NLGN1: variants seen among roughly 807,000 people sequenced by gnomAD.
NLGN1 encodes neuroligin 1.
A neutral mutation model predicts 65.5 loss-of-function variants in NLGN1; 12 were observed. That is an observed-to-expected ratio of 0.18 (90% CI 0.12 to 0.30). The LOEUF (loss-of-function observed/expected upper bound fraction) is 0.30, where lower values mean the gene tolerates loss of function less well. Among genes scored for constraint, NLGN1 ranks in the 10% least tolerant of loss-of-function variants. The pLI, the probability that NLGN1 is intolerant of heterozygous loss-of-function variation, is 1.00. For missense variants in NLGN1, 750 were observed against 1,007.1 expected (o/e 0.74, Z 3.46); for synonymous variants, 350 against 359.5 (o/e 0.97, Z 0.30).
chr3:174,000,798 T>G (rs1723134130), intron 4 of NLGN1, among the ~76,000 whole-genome samples: 1 of 152,114 alleles, frequency 6.6e-6, no homozygotes, highest in South Asian at 2.1e-4. Flanking sequence ...AGAGAAAAGG[T>G]AAGACTTGAC....
chr3:174,171,274 G>A (rs1438927085), intron 4 of NLGN1, among the ~76,000 whole-genome samples: 4 of 152,006 alleles, frequency 2.6e-5, no homozygotes, highest in Admixed American at 1.3e-4. Flanking sequence ...GGAAAACATA[G>A]ATTTGAAAGA....
intron 4 of NLGN1, among the ~76,000 whole-genome samples, chr3:173,977,615 C>G (rs1717799614): frequency 6.6e-6 from 1 of 151,696 alleles, no homozygotes; most frequent in Admixed American, 6.6e-5. Context: ...GGCTTGTGAT[C>G]CTGGAAGTCT....
chr3:173,763,649 A>G (rs75232894), intron 3 of NLGN1, among the ~76,000 whole-genome samples: 4,184 of 152,236 alleles, frequency 0.027, 76 homozygotes, highest in Non-Finnish European at 0.042. Context: ...AGCTGAATCT[A>G]GAACTGTCCT....
chr3:173,414,677 G>C (rs1304186640), intron 1 of NLGN1, among the ~76,000 whole-genome samples: 2 of 151,970 alleles, frequency 1.3e-5, no homozygotes, highest in Non-Finnish European at 2.9e-5. Flanking sequence ...GTGTTTAATA[G>C]TAAAACCCTT....
At chr3:173,969,721 A>T (rs1715753854) in intron 4 of NLGN1, among the ~76,000 whole-genome samples, 1 of 152,106 alleles carries the variant, frequency 6.6e-6, no homozygotes, top group Non-Finnish European at 1.5e-5. Context: ...AATCTAATAT[A>T]AGTCTATGGC....
intron 3 of NLGN1, among the ~76,000 whole-genome samples, chr3:173,795,146 TA>T: frequency 6.6e-6 from 1 of 152,246 alleles, no homozygotes; most frequent in East Asian, 1.9e-4. Flanking sequence ...GCCATTAGCC[TA>T]AACAGGCAGC....
chr3:173,788,233 A>G (rs1306024584), intron 3 of NLGN1, among the ~76,000 whole-genome samples: 2 of 150,564 alleles, frequency 1.3e-5, no homozygotes, highest in South Asian at 2.1e-4. Flanking sequence ...AAAAAGAAAA[A>G]GTTTATTTTT....
At chr3:173,863,194 C>CT (rs1303353276) in intron 4 of NLGN1, among the ~76,000 whole-genome samples, 1 of 150,550 alleles carries the variant, frequency 6.6e-6, no homozygotes, top group Non-Finnish European at 1.5e-5. Context: ...ATATATGTTC[C>CT]TTTTTTAAGT....
chr3:173,715,124 T>C (rs1022279873), intron 3 of NLGN1, among the ~76,000 whole-genome samples: 2 of 152,144 alleles, frequency 1.3e-5, no homozygotes, highest in Non-Finnish European at 1.5e-5. Context: ...GACTCTATTG[T>C]ATTTTGGTGG....
chr3:173,957,883 G>T (rs554081465), intron 4 of NLGN1, among the ~76,000 whole-genome samples: 3 of 152,180 alleles, frequency 2.0e-5, no homozygotes, highest in Admixed American at 2.0e-4. Context: ...TACTGGCCTG[G>T]ATCCCACACC....
intron 4 of NLGN1, among the ~76,000 whole-genome samples, chr3:174,131,011 C>A: frequency 6.6e-6 from 1 of 152,226 alleles, no homozygotes; most frequent in South Asian, 2.1e-4. Flanking sequence ...ACTCATCATA[C>A]CCCTTTCCTG....
rs991705072 is a variant in NLGN1, at chr3:174,090,040, T to A, written c.647-185275T>A. 1.6e-4 allele frequency among the ~76,000 whole-genome samples: 24 copies of A among 152,204 alleles called. No individual in the cohort carries two copies. The East Asian group carries it at 1.7e-3, about 11-fold the overall frequency. The stretch of plus-strand genomic sequence containing the variant: ...AGTTCTATAATGAAATTTATCTTAA[T>A]GAAAAGCAAGCCTTTATTTATTGAA... On this transcript the variant is annotated intron_variant, in intron 4 of 6. Coordinates refer to ENST00000457714, the Ensembl canonical transcript of NLGN1.
intron 3 of NLGN1, among the ~76,000 whole-genome samples, chr3:173,744,583 G>A (rs567503159): frequency 2.0e-5 from 3 of 152,222 alleles, no homozygotes; most frequent in Non-Finnish European, 4.4e-5. Context: ...GCTGAGATCC[G>A]AGAGATAAGT....
chr3:173,603,175 A>G (rs930843427), intron 2 of NLGN1, among the ~76,000 whole-genome samples: 3 of 152,146 alleles, frequency 2.0e-5, no homozygotes, highest in Admixed American at 6.6e-5. Flanking sequence ...ACCATCTCTA[A>G]TACAAATCAA....
intron 3 of NLGN1, among the ~76,000 whole-genome samples, chr3:173,680,014 G>T (rs891492499): frequency 3.9e-5 from 6 of 152,196 alleles, no homozygotes; most frequent in African/African-American, 1.4e-4. Flanking sequence ...TACTTGAAAA[G>T]TGCATATGAT....
At chr3:173,451,094 A>T (rs550784462) in intron 2 of NLGN1, among the ~76,000 whole-genome samples, 1 of 151,992 alleles carries the variant, frequency 6.6e-6, no homozygotes, top group Non-Finnish European at 1.5e-5. Context: ...GCTTTGTTCC[A>T]TTGCTGGTGA....
intron 4 of NLGN1, among the ~76,000 whole-genome samples, chr3:174,069,069 A>G (rs180684113): frequency 1.4e-4 from 21 of 152,316 alleles, no homozygotes; most frequent in African/African-American, 4.1e-4. Flanking sequence ...GGCAGGGGTC[A>G]TATTAGAAGA....
At chr3:173,879,411 C>T (rs1732796424) in intron 4 of NLGN1, among the ~76,000 whole-genome samples, 1 of 152,050 alleles carries the variant, frequency 6.6e-6, no homozygotes. Flanking sequence ...AATTTTAATT[C>T]AGATATTGTA....
chr3:173,919,982 A>G (rs1210649836), intron 4 of NLGN1, among the ~76,000 whole-genome samples: 1 of 152,056 alleles, frequency 6.6e-6, no homozygotes, highest in Non-Finnish European at 1.5e-5. Context: ...CTGGGATGCT[A>G]TTTTTTAAAA....
Sources: allele counts gnomAD v4.1 joint callset (sites outside exome capture counted in the v4.1 genomes callset), GRCh38; gene constraint gnomAD v4.1.1; transcripts MANE v1.5; gene names NCBI Gene and HGNC (gene_info 2026-07-23, HGNC 2026-07-21).